Variants in ABCC9 observed in about 807,000 individuals in gnomAD.
The protein encoded by ABCC9 is ATP-binding cassette sub-family C member 9.
In ABCC9, 95 loss-of-function variants were observed where a neutral mutation model predicts 188.3. The ratio of observed to expected loss-of-function variants is 0.50; its 90% CI spans 0.43 to 0.60. The LOEUF (loss-of-function observed/expected upper bound fraction) is 0.60. ABCC9 is among the 20% of genes least tolerant of loss of function. The pLI is 0.00. For synonymous variants in ABCC9, 659 were observed against 652.7 expected, an observed-to-expected ratio of 1.01 and a Z score of -0.15; for missense variants, 1,102 against 1,876.3, an observed-to-expected ratio of 0.59 and a Z score of 7.62.
chr12:21,905,528 G>A (rs1022951900), intron 12 of ABCC9, among the ~76,000 whole-genome samples: 3 of 151,878 alleles, frequency 2.0e-5, no homozygotes, highest in Non-Finnish European at 2.9e-5. Flanking sequence ...CAAATAGAAC[G>A]ATGTCTTTTG....
Position 21,839,680 on chromosome 12 carries a change from G to A in ABCC9, c.3474-1510C>T, listed in dbSNP as rs369436053. Among the ~76,000 whole-genome samples the A allele has an allele frequency of 1.1e-4, 17 of 152,174 alleles. 1 individual carries two copies. The highest frequency in any genetic ancestry group is 2.4e-4 in the African/African-American group (10 of 41,514). ...TCCTGCCCTTCTCTAGGTTTTTGGG[G>A]TTGAGAAGATTAGAGAAGTAGTGTT... On this transcript the variant is annotated intron_variant, in intron 29 of 39. Coordinates refer to ENST00000261200, the MANE Select transcript of ABCC9 (RefSeq NM_020297.4).
At chr12:21,912,315 A>T (rs890293842) in intron 8 of ABCC9, among the ~76,000 whole-genome samples, 5 of 152,068 alleles carry the variant, frequency 3.3e-5, no homozygotes, top group Non-Finnish European at 5.9e-5. Context: ...AATAAAAATT[A>T]TATATTTATG....
chr12:21,818,223 G>A lies in ABCC9; in HGVS notation c.3698C>T (p.Thr1233Ile), dbSNP rs1555179638. 2 of 1,613,814 alleles carry A rather than the reference G, an allele frequency of 1.2e-6. No individual in the cohort carries two copies. Among genetic ancestry groups the A allele is most frequent in the Non-Finnish European group, 1.7e-6 (2 of 1,179,784 alleles). The change falls in exon 32 of 40, where the codon ACT (threonine) becomes ATT (isoleucine). Residue 1233 changes from threonine (T) to isoleucine (I), a missense_variant. This residue lies in a region of ABCC9 where 143 missense variants were observed against 225.6 expected (regional missense o/e 0.63). Coordinates refer to ENST00000261200, the MANE Select transcript of ABCC9 (RefSeq NM_020297.4). Reference sequence around the variant, plus strand: ...CCCACTAATGGATGCTATAGATGCAGTGAGGACAATGCAAGCTCCCAGATA... The same window carrying A: ...CCCACTAATGGATGCTATAGATGCAATGAGGACAATGCAAGCTCCCAGATA... Reference protein sequence around the residue: ...TDYLGACIVLTASIASISGSS... With the variant: ...TDYLGACIVLIASIASISGSS...
At chr12:21,892,916 G>T (rs941835885) in intron 14 of ABCC9, among the ~76,000 whole-genome samples, 1 of 152,044 alleles carries the variant, frequency 6.6e-6, no homozygotes, top group African/African-American at 2.4e-5. Context: ...ATTGCAACAT[G>T]ATACTTCATA....
chr12:21,918,399 G>A (rs1006822001), intron 5 of ABCC9, among the ~76,000 whole-genome samples: 7 of 151,940 alleles, frequency 4.6e-5, no homozygotes, highest in African/African-American at 7.3e-5. Flanking sequence ...TTGTACCTTC[G>A]TATTAACTGA....
chr12:21,815,261 G>A (rs988382491), intron 34 of ABCC9, among the ~76,000 whole-genome samples: 2 of 149,528 alleles, frequency 1.3e-5, no homozygotes, highest in Admixed American at 1.3e-4. Flanking sequence ...TTATTTTCAT[G>A]TGATTGCCTT....
At chr12:21,858,865 G>A (rs577191002) in intron 22 of ABCC9, among the ~76,000 whole-genome samples, 3 of 152,272 alleles carry the variant, frequency 2.0e-5, no homozygotes, top group Admixed American at 2.0e-4. Context: ...TACAGAAGGA[G>A]AAGGCAGGGA....
chr12:21,908,132 G>T lies in ABCC9; in HGVS notation c.1400C>A (p.Ala467Glu). The change falls in exon 11 of 40, where the codon GCG becomes GAG. Residue 467 changes from alanine (A) to glutamate (E), a missense_variant. Ala to Glu is a moderately radical substitution (Grantham distance 107, BLOSUM62 -1). Around this residue, in one of 12 missense-constraint regions of ABCC9, gnomAD observed 305 missense variants for 573.0 expected, o/e 0.53. Transcript: ENST00000261200. ...TGTAGCAATAAAGTACTGAATTGGC[G>T]CAAGGAGCACAATGACAGCTGCACC... Reference protein sequence around the residue: ...LVGAAVIVLLAPIQYFIATKL... With the variant: ...LVGAAVIVLLEPIQYFIATKL... 6.2e-7 allele frequency: 1 copy of T among 1,612,496 alleles called. No homozygotes were observed. The highest frequency in any genetic ancestry group is 8.5e-7 in the Non-Finnish European group (1 of 1,179,032).
At chr12:21,834,840 G>A (rs1343939201) in intron 30 of ABCC9, among the ~76,000 whole-genome samples, 1 of 146,700 alleles carries the variant, frequency 6.8e-6, no homozygotes, top group Non-Finnish European at 1.5e-5. Context: ...GCGCACATGA[G>A]GAGGGAGCCC....
At chr12:21,922,211 T>C (rs1236820448) in intron 5 of ABCC9, among the ~76,000 whole-genome samples, 1 of 152,072 alleles carries the variant, frequency 6.6e-6, no homozygotes, top group East Asian at 1.9e-4. Context: ...TGGAATATCT[T>C]TCCATTTATT....
chr12:21,858,440 ATGGTGG>A (rs1555190830), intron 22 of ABCC9, among the ~76,000 whole-genome samples: 3 of 151,840 alleles, frequency 2.0e-5, no homozygotes, highest in Non-Finnish European at 4.4e-5. Flanking sequence ...ATAGCCAAGT[ATGGTGG>A]TATGCACCTG....
At chr12:21,918,723 A>G (rs962935297) in intron 5 of ABCC9, among the ~76,000 whole-genome samples, 1 of 152,000 alleles carries the variant, frequency 6.6e-6, no homozygotes, top group Non-Finnish European at 1.5e-5. Flanking sequence ...CTAGGTATTG[A>G]CTGGGTCTGC....
rs1592047467 is a variant in ABCC9, at chr12:21,843,205, T to A, written c.3316-734A>T. On this transcript the variant is annotated intron_variant, in intron 28 of 39. Transcript: ENST00000261200. Reference sequence around the variant, plus strand: ...ATTACTTTATAGCTTTATGTTTTAATATGACCACCTCTATGCTATATGCAT... The same window carrying A: ...ATTACTTTATAGCTTTATGTTTTAAAATGACCACCTCTATGCTATATGCAT... 2.6e-5 allele frequency among the ~76,000 whole-genome samples: 4 copies of A among 152,322 alleles called. 1 individual carries two copies. In the East Asian group the frequency reaches 7.7e-4, roughly 29 times the overall value.
intron 3 of ABCC9, 45 bp downstream of exon 3, chr12:21,936,488 T>A (rs1949491837): frequency 6.5e-7 from 1 of 1,530,580 alleles, no homozygotes; most frequent in Non-Finnish European, 9.0e-7. Flanking sequence ...ATTAGCGAGA[T>A]ATATAAACAT....
At chr12:21,891,445 A>C (rs554423088) in intron 14 of ABCC9, among the ~76,000 whole-genome samples, 2 of 152,308 alleles carry the variant, frequency 1.3e-5, no homozygotes, top group East Asian at 3.9e-4. Flanking sequence ...CAGAAAAATC[A>C]AATGGTGTTG....
At chr12:21,906,960 A>G (rs1948075182) in intron 11 of ABCC9, among the ~76,000 whole-genome samples, 1 of 152,080 alleles carries the variant, frequency 6.6e-6, no homozygotes, top group South Asian at 2.1e-4. Flanking sequence ...AGCTTCCTTC[A>G]TCACCACATG....
At chr12:21,915,130 A>ACCTCAGG (rs1469067217) in intron 7 of ABCC9, among the ~76,000 whole-genome samples, 1 of 149,272 alleles carries the variant, frequency 6.7e-6, no homozygotes, top group Non-Finnish European at 1.5e-5. Context: ...CAAACTCCTG[A>ACCTCAGG]CCTCAGGTGA....
At chr12:21,932,274 A>G (rs1004448488) in intron 4 of ABCC9, among the ~76,000 whole-genome samples, 2 of 152,044 alleles carry the variant, frequency 1.3e-5, no homozygotes, top group African/African-American at 4.8e-5. Flanking sequence ...TAAAAATAAC[A>G]AAATTCCTTT....
chr12:21,918,277 C>G (rs1228221242), intron 5 of ABCC9, among the ~76,000 whole-genome samples: 1 of 151,988 alleles, frequency 6.6e-6, no homozygotes, highest in Admixed American at 6.6e-5. Flanking sequence ...AGACATATGA[C>G]CAATGAAGAT....
Sources: gnomAD v4.1 joint callset for allele counts (sites outside exome capture counted in the v4.1 genomes callset) on GRCh38, gnomAD v4.1.1 for gene constraint, gnomAD v4.1.1 regional missense constraint, MANE v1.5 for transcripts, NCBI Gene and HGNC (gene_info 2026-07-23, HGNC 2026-07-21) for gene names.